The following AGMO variants were observed in gnomAD, a reference collection of about 807,000 sequenced individuals.
AGMO encodes the protein glyceryl-ether monooxygenase.
Under a neutral mutation model 60.2 loss-of-function variants are expected in AGMO, and 75 were observed. The observed-to-expected ratio is 1.25, with a 90% CI of 1.03 to 1.51. AGMO has a LOEUF of 1.51. Ranked by LOEUF, AGMO falls within the 40% of genes most tolerant of loss-of-function variation. The pLI is 0.00. For missense variants in AGMO, 763 were observed against 525.5 expected, an observed-to-expected ratio of 1.45 and a Z score of -4.42; for synonymous variants, 261 against 177.1, an observed-to-expected ratio of 1.47 and a Z score of -3.76.
intron 12 of AGMO, among the ~76,000 whole-genome samples, chr7:15,327,952 T>A (rs1164127435): frequency 6.6e-6 from 1 of 151,536 alleles, no homozygotes; most frequent in East Asian, 1.9e-4. Context: ...AAAAATTTTT[T>A]TTTGGTTGAG....
chr7:15,521,423 A>G (rs948883824), intron 3 of AGMO, among the ~76,000 whole-genome samples: 3 of 152,214 alleles, frequency 2.0e-5, no homozygotes, highest in African/African-American at 4.8e-5. Flanking sequence ...AATATCCCTG[A>G]TAAACATCAA....
intron 12 of AGMO, among the ~76,000 whole-genome samples, chr7:15,329,202 T>C (rs1030003407): frequency 3.3e-5 from 5 of 152,214 alleles, no homozygotes; most frequent in African/African-American, 1.2e-4. Context: ...GGGGCTTCGA[T>C]ATTCGTCTGT....
chr7:15,327,311 A>C (rs964464862), intron 12 of AGMO, among the ~76,000 whole-genome samples: 4 of 152,212 alleles, frequency 2.6e-5, no homozygotes, highest in Non-Finnish European at 5.9e-5. Context: ...TTCCATGAAG[A>C]AAAAGAAATA....
chr7:15,414,220 C>T (rs1337026359), intron 5 of AGMO, among the ~76,000 whole-genome samples: 2 of 151,920 alleles, frequency 1.3e-5, no homozygotes, highest in African/African-American at 2.4e-5. Flanking sequence ...AGATTGGTCT[C>T]GATCTCCTGA....
At chr7:15,441,720 C>T (rs542909444) in intron 3 of AGMO, among the ~76,000 whole-genome samples, 14 of 152,242 alleles carry the variant, frequency 9.2e-5, no homozygotes, top group African/African-American at 3.4e-4. Flanking sequence ...TGGAACAATG[C>T]TTTCTATAAT....
chr7:15,454,576 C>G (rs1362248574), intron 3 of AGMO, among the ~76,000 whole-genome samples: 3 of 151,928 alleles, frequency 2.0e-5, no homozygotes, highest in Admixed American at 1.3e-4. Context: ...TAGTGTGTAG[C>G]CTTCCAATCT....
At chr7:15,231,700 T>C (rs1421590883) in intron 12 of AGMO, among the ~76,000 whole-genome samples, 3 of 152,186 alleles carry the variant, frequency 2.0e-5, no homozygotes, top group East Asian at 1.9e-4. Flanking sequence ...TAGGCATTAC[T>C]AAATTATTTG....
At chr7:15,236,659 A>G (rs1051274492) in intron 12 of AGMO, among the ~76,000 whole-genome samples, 7 of 152,146 alleles carry the variant, frequency 4.6e-5, no homozygotes, top group African/African-American at 1.7e-4. Flanking sequence ...CAACTGAAAG[A>G]TGAGTAAGAT....
intron 12 of AGMO, among the ~76,000 whole-genome samples, chr7:15,355,504 C>T (rs79971849): frequency 2.4e-5 from 2 of 81,736 alleles, no homozygotes; most frequent in East Asian, 7.7e-4. Context: ...GACTCTGTCT[C>T]AAAAAAAAAA....
chr7:15,298,854 C>T (rs187881990), intron 12 of AGMO, among the ~76,000 whole-genome samples: 4 of 152,120 alleles, frequency 2.6e-5, no homozygotes, highest in Admixed American at 1.3e-4. Flanking sequence ...TTTAGTATAA[C>T]ATATCTTCTG....
chr7:15,397,786 G>C (rs1041606296), intron 5 of AGMO, among the ~76,000 whole-genome samples: 3 of 152,176 alleles, frequency 2.0e-5, no homozygotes, highest in Non-Finnish European at 2.9e-5. Flanking sequence ...TTTAATTTCA[G>C]GAGTTTAAAA....
chr7:15,436,728 T>C (rs1781414265), intron 3 of AGMO, among the ~76,000 whole-genome samples: 1 of 151,142 alleles, frequency 6.6e-6, no homozygotes, highest in African/African-American at 2.4e-5. Context: ...CAGTGACTTA[T>C]TTGATACACT....
chr7:15,299,886 C>CACACACACACACACACACACACAA (rs774065679), intron 12 of AGMO, among the ~76,000 whole-genome samples: 2 of 114,642 alleles, frequency 1.7e-5, no homozygotes, highest in Admixed American at 8.7e-5. Context: ...CACACACACA[C>CACACACACACACACACACACACAA]AGTATGTTTT....
At chr7:15,420,382 C>G (rs1780893286) in intron 4 of AGMO, among the ~76,000 whole-genome samples, 1 of 151,952 alleles carries the variant, frequency 6.6e-6, no homozygotes. Flanking sequence ...AAACAGTGTG[C>G]TAAATCTTAT....
intron 5 of AGMO, among the ~76,000 whole-genome samples, chr7:15,402,099 G>GC (rs1285308349): frequency 6.6e-6 from 1 of 152,012 alleles, no homozygotes; most frequent in African/African-American, 2.4e-5. Flanking sequence ...GTTAGATTCA[G>GC]CTGAGAAAGA....
At chr7:15,396,732 A>AGAGAGCTGATTGGTCCATTTTACG (rs1562486481) in intron 5 of AGMO, 1 of 149,320 alleles carries the variant, frequency 6.7e-6, no homozygotes, top group African/African-American at 2.6e-5. Flanking sequence ...TCCACTTTAC[A>AGAGAGCTGATTGGTCCATTTTACG]GAGAGCTGAT....
At chr7:15,305,238 G>GT (rs1281430768) in intron 12 of AGMO, among the ~76,000 whole-genome samples, 3 of 134,752 alleles carry the variant, frequency 2.2e-5, no homozygotes, top group South Asian at 2.3e-4. Context: ...AGGCAATCTG[G>GT]TTAAAAAAAA....
intron 12 of AGMO, among the ~76,000 whole-genome samples, chr7:15,311,838 G>T (rs968161511): frequency 6.6e-6 from 1 of 152,052 alleles, no homozygotes; most frequent in Non-Finnish European, 1.5e-5. Flanking sequence ...GTAAATAAAA[G>T]ATACATTTGA....
intron 12 of AGMO, among the ~76,000 whole-genome samples, chr7:15,324,244 A>G (rs1246846559): frequency 1.3e-5 from 2 of 152,124 alleles, no homozygotes; most frequent in Non-Finnish European, 2.9e-5. Context: ...GGTGTGTGCC[A>G]TAGTTGAGAC....
Sources: gnomAD v4.1 joint callset for allele counts (sites outside exome capture counted in the v4.1 genomes callset) on GRCh38, gnomAD v4.1.1 for gene constraint, MANE v1.5 for transcripts, NCBI Gene and HGNC (gene_info 2026-07-23, HGNC 2026-07-21) for gene names.